The following SMG7 variants were observed in gnomAD, a reference collection of about 807,000 sequenced individuals.
SMG7 encodes the protein SMG7 nonsense mediated mRNA decay factor.
Under a neutral mutation model 148.2 loss-of-function variants are expected in SMG7, and 34 were observed. That is an observed-to-expected ratio of 0.23 (90% confidence interval 0.17 to 0.31). The LOEUF (loss-of-function observed/expected upper bound fraction) is 0.31, where lower values mean the gene tolerates loss of function less well. SMG7 is among the 10% of genes least tolerant of loss of function. The pLI, the probability that SMG7 is intolerant of heterozygous loss-of-function variation, is 1.00. For missense variants in SMG7, 1,114 were observed against 1,408.4 expected, an observed-to-expected ratio of 0.79 and a Z score of 3.35; for synonymous variants, 492 against 515.1, an observed-to-expected ratio of 0.96 and a Z score of 0.61.
chr1:183,535,101 A>G (rs1033860018), intron 10 of SMG7, among the ~76,000 whole-genome samples: 7 of 152,166 alleles, frequency 4.6e-5, no homozygotes, highest in African/African-American at 1.4e-4. Flanking sequence ...TGTGTACTCT[A>G]GAACTCAAAT....
At chr1:183,508,064 C>T (rs1661317387) in intron 1 of SMG7, 2 of 455,884 alleles carry the variant, frequency 4.4e-6, no homozygotes, top group African/African-American at 4.3e-5. Flanking sequence ...ATTCATGTTG[C>T]CATACCCTCT....
intron 18 of SMG7, among the ~76,000 whole-genome samples, chr1:183,547,936 G>A (rs1670220875): frequency 6.6e-6 from 1 of 152,146 alleles, no homozygotes; most frequent in African/African-American, 2.4e-5. Flanking sequence ...ATATTTTACT[G>A]TGGGTGGGGA....
At chr1:183,494,853 G>A (rs1658074290) in intron 1 of SMG7, among the ~76,000 whole-genome samples, 1 of 138,126 alleles carries the variant, frequency 7.2e-6, no homozygotes, top group African/African-American at 2.8e-5. Context: ...CACAACCTTG[G>A]GTGTCTCGCT....
chr1:183,551,921 C>T lies in SMG7; in HGVS notation c.3554C>T (p.Pro1185Leu), dbSNP rs1181135217. 4 of 1,613,508 alleles carry T rather than the reference C, an allele frequency of 2.5e-6. No homozygotes were observed. Among genetic ancestry groups the T allele is most frequent in the Non-Finnish European group, 3.4e-6 (4 of 1,179,678 alleles). ...KQQRGQGTMN[P>L]PH ...CAACGGGGACAAGGCACCATGAACC[C>T]TCCACACTGAGGCCAAAGTGGCAAC... The change falls in exon 23 of 23, where the codon CCT (proline) becomes CTT (leucine). Residue 1185 changes from proline to leucine, a missense_variant. Pro to Leu is a moderately conservative substitution (Grantham distance 98). Coordinates refer to ENST00000688051, the MANE Select transcript of SMG7 (RefSeq NM_001375584.1).
chr1:183,515,790 A>G, intron 2 of SMG7, 84 bp from the exon 3 acceptor site: 1 of 755,294 alleles, frequency 1.3e-6, no homozygotes, highest in Non-Finnish European at 2.3e-6. Flanking sequence ...GGGATAGAGC[A>G]GGAAGGAGTC....
intron 3 of SMG7, among the ~76,000 whole-genome samples, chr1:183,517,293 A>G (rs1663760068): frequency 6.6e-6 from 1 of 152,194 alleles, no homozygotes; most frequent in Non-Finnish European, 1.5e-5. Context: ...GCCCCCATAT[A>G]CATGTCACTT....
chr1:183,517,177 A>G (rs1025533339), intron 3 of SMG7, among the ~76,000 whole-genome samples: 6 of 152,228 alleles, frequency 3.9e-5, no homozygotes, highest in African/African-American at 1.2e-4. Flanking sequence ...TTATGTTTCA[A>G]TCACAAGAGA....
At chr1:183,525,547 G>GT (rs1442927518) in intron 4 of SMG7, among the ~76,000 whole-genome samples, 1 of 152,156 alleles carries the variant, frequency 6.6e-6, no homozygotes, top group Admixed American at 6.5e-5. Context: ...AGAGGAGAGT[G>GT]TTTTAGCTCT....
chr1:183,544,089 G>T (rs890234988), intron 14 of SMG7, among the ~76,000 whole-genome samples: 2 of 152,144 alleles, frequency 1.3e-5, no homozygotes, highest in African/African-American at 4.8e-5. Context: ...AAACAAATGG[G>T]CTCTAAGGTC....
intron 1 of SMG7, among the ~76,000 whole-genome samples, chr1:183,512,131 A>G (rs994929114): frequency 6.6e-6 from 1 of 152,188 alleles, no homozygotes; most frequent in East Asian, 1.9e-4. Context: ...ATACTTGGAC[A>G]TGTTAAAATG....
intron 1 of SMG7, 54 bp from the exon 2 acceptor site, chr1:183,512,783 G>T: frequency 6.7e-7 from 1 of 1,483,726 alleles, no homozygotes; most frequent in Admixed American, 2.1e-5. Context: ...TGTTAGTTAG[G>T]CCTCGTTTGT....
At chr1:183,541,148 A>G in intron 13 of SMG7, 45 bp downstream of exon 13, 1 of 1,591,070 alleles carries the variant, frequency 6.3e-7, no homozygotes, top group Non-Finnish European at 8.6e-7. Flanking sequence ...CCACCTTTTT[A>G]GATAAACACA....
rs769563425 is a variant in SMG7, at chr1:183,533,622, G to A, written c.1007-54G>A. 5.0e-4 allele frequency: 739 copies of A among 1,472,642 alleles called. 1 individual carries two copies. The highest frequency in any genetic ancestry group is 6.3e-4 in the Non-Finnish European group (669 of 1,069,752). The allele number at this position is 1,472,642 out of a possible 1,614,324, so 91.2% of individuals were successfully genotyped here. On this transcript the variant is annotated intron_variant, in intron 9 of 22. Transcript: ENST00000688051. ...TAGAAGGCACATAATATTTTAATTT[G>A]AACTGGCACAGTTTCATATTTCTTA...
In SMG7 at chr1:183,550,832, A is replaced by T; in HGVS notation, c.3215A>T (p.Asn1072Ile). The T allele has an allele frequency of 6.2e-7, 1 of 1,614,116 alleles. No individual in the cohort carries two copies. Among genetic ancestry groups the T allele is most frequent in the Non-Finnish European group, 8.5e-7 (1 of 1,179,988 alleles). ...LPSSPPTHNH[N>I]SVPFSNFGPI... ...AGCTCTCCTCCAACACACAACCATA[A>T]TTCTGTTCCATTCTCCAATTTTGGA... Residue 1072 changes from asparagine to isoleucine, a missense_variant, in exon 21 of 23, where the codon AAT becomes ATT. Transcript: ENST00000688051.
chr1:183,534,808 G>A (rs1335414528), intron 10 of SMG7, among the ~76,000 whole-genome samples: 2 of 151,832 alleles, frequency 1.3e-5, no homozygotes, highest in East Asian at 1.9e-4. Context: ...CAGAGGTTGC[G>A]GTGAGCTGAG....
At chr1:183,522,781 G>T (rs941099003) in intron 4 of SMG7, among the ~76,000 whole-genome samples, 16 of 141,986 alleles carry the variant, frequency 1.1e-4, no homozygotes, top group South Asian at 6.8e-4. Context: ...TTAGTTTTTT[G>T]TTTTTTTTTT....
chr1:183,524,744 T>C (rs1005011289), intron 4 of SMG7, among the ~76,000 whole-genome samples: 1 of 152,242 alleles, frequency 6.6e-6, no homozygotes, highest in African/African-American at 2.4e-5. Flanking sequence ...TTGAGCTTTA[T>C]ATCTATGTAT....
intron 1 of SMG7, among the ~76,000 whole-genome samples, chr1:183,505,957 G>GC (rs1660797783): frequency 6.6e-6 from 1 of 152,118 alleles, no homozygotes. Flanking sequence ...TTTAAATTCT[G>GC]CACTGGTTTT....
chr1:183,541,802 A>T (rs1272668263), intron 13 of SMG7, among the ~76,000 whole-genome samples: 5 of 152,224 alleles, frequency 3.3e-5, no homozygotes, highest in African/African-American at 1.2e-4. Flanking sequence ...AGGGCCCTAG[A>T]CCAGTGTCTT....
Sources: allele counts gnomAD v4.1 joint callset (sites outside exome capture counted in the v4.1 genomes callset), GRCh38; gene constraint gnomAD v4.1.1; transcripts MANE v1.5; gene names NCBI Gene and HGNC (gene_info 2026-07-23, HGNC 2026-07-21).